GRB14: variants seen among roughly 807,000 people sequenced by gnomAD.
The protein encoded by GRB14 is growth factor receptor-bound protein 14.
A neutral mutation model predicts 69.1 loss-of-function variants in GRB14; 38 were observed. That is an observed-to-expected ratio of 0.55 (90% confidence interval 0.42 to 0.72). The LOEUF (loss-of-function observed/expected upper bound fraction) is 0.72, where lower values mean the gene tolerates loss of function less well. GRB14 is among the 30% of genes least tolerant of loss of function. GRB14 has a pLI of 0.00. For synonymous variants in GRB14, 247 were observed against 241.3 expected (o/e 1.02, Z -0.22); for missense variants, 666 against 666.1 (o/e 1.00, Z 0.00).
chr2:164,527,725 A>G (rs1687818991), intron 3 of GRB14, among the ~76,000 whole-genome samples: 1 of 152,058 alleles, frequency 6.6e-6, no homozygotes, highest in Non-Finnish European at 1.5e-5. Flanking sequence ...TTATACTTTC[A>G]AAGCTAATAC....
At chr2:164,535,549 A>AT (rs1688059308) in intron 3 of GRB14, among the ~76,000 whole-genome samples, 1 of 152,196 alleles carries the variant, frequency 6.6e-6, no homozygotes, top group African/African-American at 2.4e-5. Context: ...TCAGAAAACA[A>AT]TTTTTTGAAT....
intron 2 of GRB14, among the ~76,000 whole-genome samples, chr2:164,569,639 A>AT (rs1689078595): frequency 6.6e-6 from 1 of 152,210 alleles, no homozygotes; most frequent in Admixed American, 6.5e-5. Flanking sequence ...TGCTTTATAC[A>AT]TAAGTGAGTT....
chr2:164,552,908 G>A (rs906179653), intron 2 of GRB14, among the ~76,000 whole-genome samples: 4 of 152,180 alleles, frequency 2.6e-5, no homozygotes, highest in Non-Finnish European at 5.9e-5. Context: ...GACCACTCCT[G>A]AGAGAACAAG....
intron 3 of GRB14, among the ~76,000 whole-genome samples, chr2:164,530,369 C>T (rs1165810672): frequency 2.6e-5 from 4 of 152,096 alleles, no homozygotes; most frequent in Non-Finnish European, 4.4e-5. Flanking sequence ...GCCCTCATGA[C>T]CCAAACACCT....
intron 6 of GRB14, among the ~76,000 whole-genome samples, chr2:164,517,039 T>C (rs1001689406): frequency 2.0e-5 from 3 of 152,090 alleles, no homozygotes; most frequent in Non-Finnish European, 2.9e-5. Flanking sequence ...CCTGTTTTCA[T>C]GCTGCTGATA....
At chr2:164,586,413 G>A (rs572034883) in intron 2 of GRB14, among the ~76,000 whole-genome samples, 1 of 152,264 alleles carries the variant, frequency 6.6e-6, no homozygotes, top group East Asian at 1.9e-4. Flanking sequence ...GTTCTTCTGG[G>A]AAGATAAATG....
intron 2 of GRB14, among the ~76,000 whole-genome samples, chr2:164,595,450 T>C (rs988270628): frequency 4.6e-5 from 7 of 152,168 alleles, no homozygotes; most frequent in African/African-American, 1.7e-4. Context: ...CTTGAGGACA[T>C]TAGGAAATGC....
In GRB14 at chr2:164,555,875, C is replaced by T. The variant is rs570224210; in HGVS notation, c.325-8059G>A. On this transcript the variant is annotated intron_variant, in intron 2 of 13. Transcript: ENST00000263915. ...AGCTCTTTGAAAGTTTATCATCTAA[C>T]CACAGTAAAATTATAAAAGAGCTTA... Among the ~76,000 whole-genome samples, 146 of 151,766 alleles carry T rather than the reference C, an allele frequency of 9.6e-4. No homozygotes were observed. In the Middle Eastern group the frequency reaches 0.014, roughly 14 times the overall value.
chr2:164,553,144 T>C (rs1446773810), intron 2 of GRB14, among the ~76,000 whole-genome samples: 1 of 152,166 alleles, frequency 6.6e-6, no homozygotes. Context: ...CTATCTCTTA[T>C]TTCAGAGAAG....
intron 9 of GRB14, among the ~76,000 whole-genome samples, chr2:164,498,861 A>C (rs1164553881): frequency 6.6e-6 from 1 of 152,110 alleles, no homozygotes; most frequent in East Asian, 1.9e-4. Flanking sequence ...CTACAATCTT[A>C]TTATGGTTCA....
intron 6 of GRB14, among the ~76,000 whole-genome samples, chr2:164,521,167 C>G (rs1687624563): frequency 6.6e-6 from 1 of 151,908 alleles, no homozygotes; most frequent in South Asian, 2.1e-4. Flanking sequence ...GATAGATAGA[C>G]AGACAGACCA....
chr2:164,613,341 C>T (rs185345029), intron 2 of GRB14, among the ~76,000 whole-genome samples: 1 of 152,224 alleles, frequency 6.6e-6, no homozygotes, highest in Non-Finnish European at 1.5e-5. Flanking sequence ...CCTACTAAAC[C>T]TGTACCTCTT....
rs200808150 is a variant in GRB14, at chr2:164,511,563, C to A, written c.817-2711G>T. ...ACCTAGTCCTGGCAGGATCCATCAC[C>A]TGCTGACTAAGAGATCTTGGGCCCT... On this transcript the variant is annotated intron_variant, in intron 6 of 13. Coordinates refer to ENST00000263915, the MANE Select transcript of GRB14 (RefSeq NM_004490.3). 2.0e-5 allele frequency among the ~76,000 whole-genome samples: 3 copies of A among 152,124 alleles called. No individual in the cohort carries two copies. The East Asian group carries it at 5.8e-4, about 29-fold the overall frequency.
chr2:164,615,011 C>G (rs187302630), intron 2 of GRB14, among the ~76,000 whole-genome samples: 1 of 151,750 alleles, frequency 6.6e-6, no homozygotes, highest in Non-Finnish European at 1.5e-5. Flanking sequence ...CTGAGACATA[C>G]AAAAAAAGGC....
At chr2:164,549,027 G>A (rs532640105) in intron 2 of GRB14, among the ~76,000 whole-genome samples, 11 of 151,210 alleles carry the variant, frequency 7.3e-5, no homozygotes, top group East Asian at 3.9e-4. Flanking sequence ...ACAGGCATGC[G>A]CCACCACACC....
At chr2:164,585,236 T>C (rs1164303628) in intron 2 of GRB14, among the ~76,000 whole-genome samples, 4 of 151,252 alleles carry the variant, frequency 2.6e-5, no homozygotes, top group Admixed American at 2.0e-4. Flanking sequence ...GTGTGAACCA[T>C]TGCACCTGGC....
intron 3 of GRB14, among the ~76,000 whole-genome samples, chr2:164,533,976 A>G (rs1381024414): frequency 2.6e-5 from 4 of 152,236 alleles, no homozygotes; most frequent in Admixed American, 2.6e-4. Context: ...TACATACTGC[A>G]ATTACTAGCA....
chr2:164,599,099 TG>T (rs1386453489), intron 2 of GRB14, among the ~76,000 whole-genome samples: 1 of 152,178 alleles, frequency 6.6e-6, no homozygotes, highest in African/African-American at 2.4e-5. Context: ...TTTACCATCG[TG>T]TCTAAAACCT....
intron 2 of GRB14, among the ~76,000 whole-genome samples, chr2:164,610,885 A>C (rs1558883454): frequency 2.1e-5 from 3 of 146,016 alleles, no homozygotes; most frequent in Non-Finnish European, 3.0e-5. Context: ...AAAAAAAAAA[A>C]AAAAACAGGC....
Sources: allele counts gnomAD v4.1 joint callset (sites outside exome capture counted in the v4.1 genomes callset), GRCh38; gene constraint gnomAD v4.1.1; transcripts MANE v1.5; gene names NCBI Gene and HGNC (gene_info 2026-07-23, HGNC 2026-07-21).